NRXN3: variants seen among roughly 807,000 people sequenced by gnomAD.
NRXN3 encodes the protein neurexin III.
Under a neutral mutation model 137.6 loss-of-function variants are expected in NRXN3, and 32 were observed. The ratio of observed to expected loss-of-function variants is 0.23; its 90% CI spans 0.18 to 0.31. The LOEUF is 0.31. Ranked by LOEUF, NRXN3 falls within the 10% of genes least tolerant of loss-of-function variation. The probability of loss-of-function intolerance (pLI) is 1.00; values close to 1 mark genes in which losing one functional copy is unlikely to be tolerated. For missense variants in NRXN3, 1,574 were observed against 2,062.5 expected, an observed-to-expected ratio of 0.76 and a Z score of 4.59; for synonymous variants, 798 against 784.5, an observed-to-expected ratio of 1.02 and a Z score of -0.29.
chr14:78,775,243 G>A (rs1197697397), intron 8 of NRXN3, among the ~76,000 whole-genome samples: 1 of 152,196 alleles, frequency 6.6e-6, no homozygotes, highest in Non-Finnish European at 1.5e-5. Context: ...TGTTAGGGGT[G>A]TGGTGTGTAC....
chr14:79,493,882 A>G (rs889387148), intron 16 of NRXN3, among the ~76,000 whole-genome samples: 3 of 152,324 alleles, frequency 2.0e-5, no homozygotes, highest in East Asian at 3.9e-4. Context: ...GTTCTGCTGT[A>G]TACTGAATGA....
intron 19 of NRXN3, among the ~76,000 whole-genome samples, chr14:79,732,160 C>T (rs1180059880): frequency 6.6e-6 from 1 of 151,992 alleles, no homozygotes; most frequent in Non-Finnish European, 1.5e-5. Context: ...ACATGGAGAA[C>T]ACAGTGCAGT....
At position 79,105,504 on chromosome 14, in the gene NRXN3, G is replaced by A. The variant is rs1480597636; in HGVS notation, c.3262+117363G>A. Among the ~76,000 whole-genome samples the A allele has an allele frequency of 2.6e-5, 4 of 152,046 alleles. No homozygotes were observed. In the South Asian group the frequency reaches 6.2e-4, roughly 24 times the overall value. On this transcript the variant is annotated intron_variant, in intron 15 of 20. Coordinates refer to ENST00000335750, the MANE Select transcript of NRXN3 (RefSeq NM_001330195.2). ...TCTGGTTGAAGTTTTAGTGAAAATC[G>A]ATTTATTCCTCCTCTGAGTTTTACC... is the stretch of plus-strand genomic sequence containing the variant.
At chr14:78,530,734 T>C (rs1325153481) in intron 4 of NRXN3, among the ~76,000 whole-genome samples, 1 of 152,226 alleles carries the variant, frequency 6.6e-6, no homozygotes, top group Non-Finnish European at 1.5e-5. Flanking sequence ...ATTTTTCTAG[T>C]GGAACATACA....
At chr14:78,753,646 A>AC (rs1447956526) in intron 8 of NRXN3, 2 of 152,192 alleles carry the variant, frequency 1.3e-5, no homozygotes, top group African/African-American at 4.8e-5. Context: ...GTCAGTCCCC[A>AC]CAAACCTGAT....
intron 16 of NRXN3, among the ~76,000 whole-genome samples, chr14:79,469,112 C>T (rs1012865369): frequency 4.6e-5 from 7 of 152,230 alleles, no homozygotes; most frequent in African/African-American, 1.4e-4. Flanking sequence ...AGCTCACTTG[C>T]ATTTCCACAG....
chr14:79,461,059 T>C (rs1437611407), intron 15 of NRXN3, among the ~76,000 whole-genome samples: 1 of 152,226 alleles, frequency 6.6e-6, no homozygotes, highest in Non-Finnish European at 1.5e-5. Context: ...TCATTTACCC[T>C]GTACTCCCTA....
At chr14:78,779,908 A>G (rs1356101424) in intron 8 of NRXN3, among the ~76,000 whole-genome samples, 2 of 152,168 alleles carry the variant, frequency 1.3e-5, no homozygotes, top group Non-Finnish European at 2.9e-5. Context: ...AAATCCACAC[A>G]TTTCCACTCA....
At position 78,988,024 on chromosome 14, in the gene NRXN3, C is replaced by A; in HGVS notation, c.3145C>A (p.Pro1049Thr). 1 of 1,613,614 alleles carries A rather than the reference C, an allele frequency of 6.2e-7. No homozygotes were observed. Among genetic ancestry groups the A allele is most frequent in the African/African-American group, 1.3e-5 (1 of 74,990 alleles). Residue 1049 changes from proline (P) to threonine (T), a missense_variant and splice_region_variant, in exon 15 of 21, where the codon CCC becomes ACC. Pro to Thr is a conservative substitution (Grantham distance 38). Transcript: ENST00000335750. ...SGQIERGCEG[P>T]STTCQEDSCA... ...CCCCTCTTCTTGTGCATTACTAGGACCCAGTACCACCTGCCAGGAAGATTC... is the reference window on the plus strand; with the variant it reads ...CCCCTCTTCTTGTGCATTACTAGGAACCAGTACCACCTGCCAGGAAGATTC...
rs115513490 is a variant in NRXN3, at chr14:79,185,385, C to T, written c.3262+197244C>T. Among the ~76,000 whole-genome samples, 468 of 152,008 alleles carry T rather than the reference C, an allele frequency of 3.1e-3. 2 individuals carry two copies. Among genetic ancestry groups the T allele is most frequent in the African/African-American group, 0.011 (441 of 41,484 alleles). On this transcript the variant is annotated intron_variant, in intron 15 of 20. Transcript: ENST00000335750. ...GTCCTGAAAGATACACATGGTGAAA[C>T]ATTCTAATTGTAAAAGATTCATAGA...
rs142821339 is a variant in NRXN3, at chr14:79,833,868, C to G, written c.4094-27474C>G. 4.4e-3 allele frequency among the ~76,000 whole-genome samples: 664 copies of G among 152,156 alleles called. 8 individuals carry two copies. Among genetic ancestry groups the G allele is most frequent in the African/African-American group, 0.015 (632 of 41,518 alleles). ...AAATGCTGCACAATATTTAATTGGA[C>G]CTTTTGGAATGAAAATAACCCAGGT... On this transcript the variant is annotated intron_variant, in intron 20 of 20. Transcript: ENST00000335750.
chr14:79,542,891 GAA>G (rs5809941), intron 16 of NRXN3, among the ~76,000 whole-genome samples: 2 of 148,288 alleles, frequency 1.3e-5, no homozygotes, highest in Admixed American at 6.7e-5. Context: ...GGTGTGGCAA[GAA>G]AAAAAAAAAG....
At chr14:78,671,100 G>A (rs1407741777) in intron 6 of NRXN3, among the ~76,000 whole-genome samples, 1 of 152,176 alleles carries the variant, frequency 6.6e-6, no homozygotes, top group Non-Finnish European at 1.5e-5. Flanking sequence ...AGGCTTAAAA[G>A]GGAAAATTAG....
In NRXN3 at chr14:79,854,137, A is replaced by G. The variant is rs986029937; in HGVS notation, c.4094-7205A>G. The G allele has an allele frequency of 8.1e-6, 8 of 982,290 alleles. No homozygotes were observed. In the African/African-American group the frequency reaches 1.2e-4, roughly 15 times the overall value. The allele number at this position is 982,290 out of a possible 1,614,324, so 60.8% of individuals were successfully genotyped here. ...CAAGTTACAAGAATGTGGCAATTCTATTTGTCCAAGAGCATTCTTACACAA... is the reference window on the plus strand; with the variant it reads ...CAAGTTACAAGAATGTGGCAATTCTGTTTGTCCAAGAGCATTCTTACACAA... On this transcript the variant is annotated intron_variant, in intron 20 of 20. Coordinates refer to ENST00000335750, the MANE Select transcript of NRXN3 (RefSeq NM_001330195.2).
At chr14:79,703,376 C>A (rs566875293) in intron 19 of NRXN3, among the ~76,000 whole-genome samples, 1 of 152,122 alleles carries the variant, frequency 6.6e-6, no homozygotes, top group Non-Finnish European at 1.5e-5. Context: ...TCCTGCGCAA[C>A]GTCTGTTCTG....
chr14:79,712,631 G>A (rs983559944), intron 19 of NRXN3, among the ~76,000 whole-genome samples: 1 of 152,028 alleles, frequency 6.6e-6, no homozygotes, highest in Non-Finnish European at 1.5e-5. Flanking sequence ...GAATACCCTC[G>A]TTATCTCGTT....
At chr14:78,716,315 G>T (rs747530601) in intron 8 of NRXN3, among the ~76,000 whole-genome samples, 2 of 152,238 alleles carry the variant, frequency 1.3e-5, no homozygotes, top group South Asian at 4.1e-4. Flanking sequence ...CTGAATATCC[G>T]CAGGCTGTCA....
chr14:79,354,289 G>A (rs374159247), intron 15 of NRXN3, among the ~76,000 whole-genome samples: 4 of 152,058 alleles, frequency 2.6e-5, no homozygotes, highest in East Asian at 1.9e-4. Context: ...TAAACACTGC[G>A]TTTTAAAAAT....
At chr14:78,466,783 T>C (rs1200429050) in intron 4 of NRXN3, among the ~76,000 whole-genome samples, 2 of 152,192 alleles carry the variant, frequency 1.3e-5, no homozygotes, top group African/African-American at 2.4e-5. Context: ...TATTTCCTTA[T>C]CCATTAATTG....
Sources: gnomAD v4.1 joint callset for allele counts (sites outside exome capture counted in the v4.1 genomes callset) on GRCh38, gnomAD v4.1.1 for gene constraint, MANE v1.5 for transcripts, NCBI Gene and HGNC (gene_info 2026-07-23, HGNC 2026-07-21) for gene names.